DARS1: variants seen among roughly 807,000 people sequenced by gnomAD.
The protein encoded by DARS1 is aspartate--tRNA ligase, cytoplasmic.
In DARS1, 51 loss-of-function variants were observed where a neutral mutation model predicts 68.8. The observed-to-expected ratio is 0.74, with a 90% CI of 0.59 to 0.94. The LOEUF is 0.94. DARS1 is among the 40% of genes least tolerant of loss of function. The pLI, the probability that DARS1 is intolerant of heterozygous loss-of-function variation, is 0.00. For synonymous variants in DARS1, 203 were observed against 190.4 expected (o/e 1.07, Z -0.55); for missense variants, 607 against 597.3 (o/e 1.02, Z -0.17).
chr2:135,943,069 C>A (rs1000254170), intron 5 of DARS1: 14 of 223,906 alleles, frequency 6.3e-5, no homozygotes, highest in African/African-American at 3.2e-4. Context: ...TCTGGGCTAG[C>A]CTGCTGGATG....
chr2:135,985,198 C>T (rs983972691), intron 1 of DARS1: 3 of 789,000 alleles, frequency 3.8e-6, no homozygotes, highest in East Asian at 2.8e-5. Flanking sequence ...GCCAAACTCC[C>T]AGGTGACCCC....
At chr2:135,936,931 G>A (rs752932202) in intron 5 of DARS1, among the ~76,000 whole-genome samples, 3 of 152,236 alleles carry the variant, frequency 2.0e-5, no homozygotes, top group East Asian at 1.9e-4. Flanking sequence ...ATGTGCACAC[G>A]GATCAGGGCG....
Position 135,933,981 on chromosome 2 carries a change from T to G in DARS1, c.433A>C (p.Ile145Leu). 1.2e-6 allele frequency: 2 copies of G among 1,612,006 alleles called. No homozygotes were observed. Among genetic ancestry groups the G allele is most frequent in the Non-Finnish European group, 1.7e-6 (2 of 1,178,512 alleles). ...VELHVQKIYV[I>L]SLAEPRLPLQ... ...GGCAGACGGGGTTCAGCCAAACTGA[T>G]CACATAAATCTGTAAGTGAGAGATT... Residue 145 changes from isoleucine to leucine, a missense_variant, in exon 6 of 16, where the codon ATC becomes CTC. Transcript: ENST00000264161.
At chr2:135,968,276 A>C (rs544112721) in intron 3 of DARS1, among the ~76,000 whole-genome samples, 2 of 152,278 alleles carry the variant, frequency 1.3e-5, no homozygotes, top group South Asian at 4.1e-4. Flanking sequence ...AAAATAAATA[A>C]AGATAATCTA....
intron 15 of DARS1, among the ~76,000 whole-genome samples, chr2:135,910,042 A>G (rs1378739609): frequency 1.3e-5 from 2 of 152,200 alleles, no homozygotes; most frequent in East Asian, 3.8e-4. Flanking sequence ...TACTCAATCT[A>G]TACTTTCTTT....
intron 3 of DARS1, among the ~76,000 whole-genome samples, chr2:135,974,853 T>C (rs1346568659): frequency 1.3e-5 from 2 of 152,082 alleles, no homozygotes; most frequent in Non-Finnish European, 2.9e-5. Flanking sequence ...TTTAATAAAA[T>C]AGGAACAGGG....
chr2:135,974,210 G>A (rs1368624661), intron 3 of DARS1, among the ~76,000 whole-genome samples: 1 of 152,242 alleles, frequency 6.6e-6, no homozygotes, highest in Non-Finnish European at 1.5e-5. Context: ...GGGAATGTGT[G>A]TACTGGATGA....
intron 4 of DARS1, among the ~76,000 whole-genome samples, chr2:135,949,107 C>T (rs1300654963): frequency 6.6e-6 from 1 of 151,980 alleles, no homozygotes; most frequent in Non-Finnish European, 1.5e-5. Context: ...TATGTATACA[C>T]ATAATGGTAC....
intron 4 of DARS1, among the ~76,000 whole-genome samples, chr2:135,954,912 C>T (rs73957079): frequency 0.015 from 2,253 of 152,054 alleles, 64 homozygotes; most frequent in African/African-American, 0.051. Context: ...TTTTATTTCT[C>T]ATCATTCTAG....
intron 5 of DARS1, among the ~76,000 whole-genome samples, chr2:135,942,501 T>C (rs111432741): frequency 1.5e-3 from 151 of 98,072 alleles, no homozygotes; most frequent in African/African-American, 5.7e-3. Context: ...TCAGGGCCTG[T>C]AGTGGGGTGG....
At chr2:135,980,017 GAGA>G (rs962769737) in intron 2 of DARS1, among the ~76,000 whole-genome samples, 14 of 152,160 alleles carry the variant, frequency 9.2e-5, no homozygotes, top group African/African-American at 3.4e-4. Context: ...TGCAGGATTC[GAGA>G]AGGAGGCCAA....
rs1312008531 is a variant in DARS1, at chr2:135,981,674, C to CTTTTTTTTTTTTTTT, written c.124+1722_124+1723insAAAAAAAAAAAAAAA. Among the ~76,000 whole-genome samples, 60 of 140,538 alleles carry CTTTTTTTTTTTTTTT rather than the reference C, an allele frequency of 4.3e-4. 2 individuals carry two copies. The highest frequency in any genetic ancestry group is 1.5e-3 in the African/African-American group (56 of 37,790). 92.2% of individuals were successfully genotyped at this position (140,538 alleles called of 152,430 possible). On this transcript the variant is annotated intron_variant, in intron 2 of 15. Coordinates refer to ENST00000264161, the MANE Select transcript of DARS1 (RefSeq NM_001349.4). Reference sequence around the variant, plus strand: ...TGGAAATGATTTTCAGAAATTTTGGCTTTTTTTTTTTTTTGACAGGGTCTC... The same window carrying CTTTTTTTTTTTTTTT: ...TGGAAATGATTTTCAGAAATTTTGGCTTTTTTTTTTTTTTTTTTTTTTTTTTTTTGACAGGGTCTC...
chr2:135,981,820 C>T (rs1682639078), intron 2 of DARS1, among the ~76,000 whole-genome samples: 1 of 151,996 alleles, frequency 6.6e-6, no homozygotes. Flanking sequence ...GTGTATGCCA[C>T]CACGCCTAGC....
intron 11 of DARS1, chr2:135,914,807 TAC>T (rs1680971981): frequency 8.0e-6 from 2 of 250,524 alleles, no homozygotes; most frequent in Non-Finnish European, 1.6e-5. Flanking sequence ...TTCCTACAAT[TAC>T]ACATAATAAA....
At chr2:135,923,776 G>C (rs1298963033) in intron 8 of DARS1, among the ~76,000 whole-genome samples, 3 of 152,120 alleles carry the variant, frequency 2.0e-5, no homozygotes, top group African/African-American at 7.2e-5. Flanking sequence ...CCAGCACTCT[G>C]GCAGGCCGAG....
Position 135,979,448 on chromosome 2 carries a change from C to T in DARS1, c.125-82G>A. The T allele has an allele frequency of 1.1e-5, 8 of 752,474 alleles. 1 individual carries two copies. The highest frequency in any genetic ancestry group is 7.9e-5 in the South Asian group (5 of 63,564). The allele number at this position is 752,474 out of a possible 1,614,324, so 46.6% of individuals were successfully genotyped here. ...ACAAAGAGATCATAATTATTTTTGA[C>T]AGCTAGCATAAGTACTTGGAACCAT... is the stretch of plus-strand genomic sequence containing the variant. On this transcript the variant is annotated intron_variant, in intron 2 of 15. Transcript: ENST00000264161.
intron 3 of DARS1, among the ~76,000 whole-genome samples, chr2:135,965,241 A>G (rs1250813149): frequency 6.6e-6 from 1 of 152,180 alleles, no homozygotes; most frequent in African/African-American, 2.4e-5. Context: ...TTAAGAATGA[A>G]AGAACATCTA....
At chr2:135,965,589 G>C (rs1682207140) in intron 3 of DARS1, among the ~76,000 whole-genome samples, 1 of 152,178 alleles carries the variant, frequency 6.6e-6, no homozygotes, top group Non-Finnish European at 1.5e-5. Flanking sequence ...TCAATGCTTG[G>C]GAGAATTAAA....
chr2:135,949,072 A>C (rs1295332708), intron 4 of DARS1, among the ~76,000 whole-genome samples: 1 of 152,094 alleles, frequency 6.6e-6, no homozygotes, highest in African/African-American at 2.4e-5. Flanking sequence ...AATGACTAAT[A>C]TAAAGAAAAA....
Sources: allele counts gnomAD v4.1 joint callset (sites outside exome capture counted in the v4.1 genomes callset), GRCh38; gene constraint gnomAD v4.1.1; transcripts MANE v1.5; gene names NCBI Gene and HGNC (gene_info 2026-07-23, HGNC 2026-07-21).